The following TNFSF13B variants were observed in gnomAD, a reference collection of about 807,000 sequenced individuals.
The protein encoded by TNFSF13B is tumor necrosis factor ligand superfamily member 13B.
In TNFSF13B, 8 loss-of-function variants were observed where a neutral mutation model predicts 29.1. The ratio of observed to expected loss-of-function variants is 0.27; its 90% CI spans 0.16 to 0.50. The LOEUF is 0.50. TNFSF13B is among the 20% of genes least tolerant of loss of function. The pLI, the probability that TNFSF13B is intolerant of heterozygous loss-of-function variation, is 0.98. For synonymous variants in TNFSF13B, 125 were observed against 130.8 expected (o/e 0.96, Z 0.30); for missense variants, 248 against 334.9 (o/e 0.74, Z 2.03).
Position 108,281,044 on chromosome 13 carries a change from C to T in TNFSF13B, c.425-5759C>T, listed in dbSNP as rs1040715275. On this transcript the variant is annotated intron_variant, in intron 2 of 5. Transcript: ENST00000375887. ...GGTGGATCACCTGAGGTCAGGAGTTCGAGACCAGCCTGACCAACACAGAGA... is the reference window on the plus strand; with the variant it reads ...GGTGGATCACCTGAGGTCAGGAGTTTGAGACCAGCCTGACCAACACAGAGA... Among the ~76,000 whole-genome samples the T allele has an allele frequency of 3.3e-5, 5 of 152,000 alleles. No homozygotes were observed. In the East Asian group the frequency reaches 5.8e-4, roughly 18 times the overall value.
chr13:108,292,362 A>G (rs1881343359), intron 3 of TNFSF13B, among the ~76,000 whole-genome samples: 1 of 152,206 alleles, frequency 6.6e-6, no homozygotes, highest in East Asian at 1.9e-4. Flanking sequence ...AATTTCATTA[A>G]GGGTATTTGG....
rs1221714334 is a variant in TNFSF13B at position 108,307,879 on chromosome 13, T to G, written c.*941T>G. On this transcript the variant is annotated 3_prime_UTR_variant, in exon 6 of 6. Transcript: ENST00000375887. Reference sequence around the variant, plus strand: ...TCCCAACCTTTAAAAATATTCCTCTTATTAGCTTTATATTCACTTTATAGA... The same window carrying G: ...TCCCAACCTTTAAAAATATTCCTCTGATTAGCTTTATATTCACTTTATAGA... The G allele has an allele frequency of 1.3e-5, 2 of 152,080 alleles. No individual in the cohort carries two copies. The highest frequency in any genetic ancestry group is 3.8e-4 in the East Asian group (2 of 5,202). 9.4% of individuals were successfully genotyped at this position (152,080 alleles called of 1,614,324 possible). A position where few individuals can be genotyped will look rare whatever the true frequency, so the allele number is the denominator to read the frequency against.
At chr13:108,296,709 T>C (rs1358551948) in intron 3 of TNFSF13B, among the ~76,000 whole-genome samples, 1 of 145,810 alleles carries the variant, frequency 6.9e-6, no homozygotes, top group African/African-American at 2.6e-5. Flanking sequence ...TTATTTTGTT[T>C]TTAATAGACT....
intron 2 of TNFSF13B, among the ~76,000 whole-genome samples, chr13:108,272,754 G>T (rs1880655639): frequency 6.6e-6 from 1 of 151,486 alleles, no homozygotes; most frequent in African/African-American, 2.4e-5. Flanking sequence ...ATTATAAGAG[G>T]CTTCAATAAC....
chr13:108,273,889 G>A (rs1880688488), intron 2 of TNFSF13B, among the ~76,000 whole-genome samples: 1 of 152,144 alleles, frequency 6.6e-6, no homozygotes, highest in Non-Finnish European at 1.5e-5. Context: ...CCCCTTGTAT[G>A]TGGATTTTCT....
intron 3 of TNFSF13B, among the ~76,000 whole-genome samples, chr13:108,294,688 C>CTTTAGTAATTTTTCCAAAATACTTTTTT (rs1226091451): frequency 9.1e-6 from 1 of 109,784 alleles, no homozygotes. Context: ...TTTGTGGTGT[C>CTTTAGTAATTTTTCCAAAATACTTTTTT]TTTGTGTGGC....
chr13:108,287,532 T>A (rs1399117793), intron 3 of TNFSF13B, among the ~76,000 whole-genome samples: 1 of 152,142 alleles, frequency 6.6e-6, no homozygotes, highest in Non-Finnish European at 1.5e-5. Context: ...TGTTAAATAA[T>A]TAAACTACAA....
chr13:108,276,011 T>C (rs1406827597), intron 2 of TNFSF13B, among the ~76,000 whole-genome samples: 1 of 152,242 alleles, frequency 6.6e-6, no homozygotes, highest in African/African-American at 2.4e-5. Flanking sequence ...AATACTATTT[T>C]TGAGTCTTCT....
intron 2 of TNFSF13B, among the ~76,000 whole-genome samples, chr13:108,277,979 C>T (rs1320280651): frequency 6.6e-6 from 1 of 152,152 alleles, no homozygotes; most frequent in Admixed American, 6.5e-5. Flanking sequence ...TTATTTTACC[C>T]AGCTCCTATC....
chr13:108,305,687 A>G (rs1881753158), intron 5 of TNFSF13B, among the ~76,000 whole-genome samples: 1 of 152,050 alleles, frequency 6.6e-6, no homozygotes, highest in Non-Finnish European at 1.5e-5. Flanking sequence ...GTCCTGAAAA[A>G]CTTTCTTTTG....
At chr13:108,273,357 G>C (rs776696345) in intron 2 of TNFSF13B, among the ~76,000 whole-genome samples, 1 of 152,050 alleles carries the variant, frequency 6.6e-6, no homozygotes, top group Non-Finnish European at 1.5e-5. Flanking sequence ...GCCATGTCAT[G>C]AATGTATAAA....
intron 3 of TNFSF13B, among the ~76,000 whole-genome samples, chr13:108,299,154 T>G (rs1352028657): frequency 6.8e-6 from 1 of 146,420 alleles, no homozygotes; most frequent in Non-Finnish European, 1.5e-5. Flanking sequence ...TTTCATTTTT[T>G]GAGGTAATAA....
At chr13:108,290,990 C>G (rs533247274) in intron 3 of TNFSF13B, among the ~76,000 whole-genome samples, 2 of 151,586 alleles carry the variant, frequency 1.3e-5, no homozygotes, top group Non-Finnish European at 2.9e-5. Context: ...TTTTTTTAAT[C>G]GCCCATCTTT....
At chr13:108,277,435 C>T (rs1476576870) in intron 2 of TNFSF13B, among the ~76,000 whole-genome samples, 1 of 152,088 alleles carries the variant, frequency 6.6e-6, no homozygotes, top group Non-Finnish European at 1.5e-5. Context: ...CAAAGTTAAC[C>T]TTTGGGTCGG....
At chr13:108,300,913 C>CTGACATCTTT (rs1252978857) in intron 3 of TNFSF13B, among the ~76,000 whole-genome samples, 1 of 152,172 alleles carries the variant, frequency 6.6e-6, no homozygotes, top group Non-Finnish European at 1.5e-5. Context: ...TGCACTCTCC[C>CTGACATCTTT]TGACATCTTT....
At chr13:108,294,385 G>T (rs1881409256) in intron 3 of TNFSF13B, among the ~76,000 whole-genome samples, 2 of 151,836 alleles carry the variant, frequency 1.3e-5, no homozygotes, top group Non-Finnish European at 1.5e-5. Flanking sequence ...TCACCATGTT[G>T]GCCAGACTGA....
rs775850040 is a variant in TNFSF13B, at chr13:108,270,454, G to C, written c.424+30G>C. The C allele has an allele frequency of 1.4e-4, 229 of 1,599,670 alleles. 1 individual carries two copies. Among genetic ancestry groups the C allele is most frequent in the East Asian group, 1.2e-3 (54 of 44,838 alleles). ...GTTTTGGGCACAGACACTTTTAGGAGTCAGGGATTAGAGAATAACATCCAG... is the reference window on the plus strand; with the variant it reads ...GTTTTGGGCACAGACACTTTTAGGACTCAGGGATTAGAGAATAACATCCAG... On this transcript the variant is annotated intron_variant, in intron 2 of 5. Transcript: ENST00000375887.
chr13:108,271,182 A>T (rs548377446), intron 2 of TNFSF13B, among the ~76,000 whole-genome samples: 1 of 152,178 alleles, frequency 6.6e-6, no homozygotes, highest in Non-Finnish European at 1.5e-5. Flanking sequence ...GAATCTTTGT[A>T]TACATTTATT....
At chr13:108,283,609 T>C (rs546946273) in intron 2 of TNFSF13B, among the ~76,000 whole-genome samples, 121 of 152,350 alleles carry the variant, frequency 7.9e-4, no homozygotes, top group African/African-American at 2.6e-3. Flanking sequence ...TCTCTCTGAC[T>C]ACATAGAACA....
Sources: allele counts gnomAD v4.1 joint callset (sites outside exome capture counted in the v4.1 genomes callset), GRCh38; gene constraint gnomAD v4.1.1; transcripts MANE v1.5; gene names NCBI Gene and HGNC (gene_info 2026-07-23, HGNC 2026-07-21).